The following SGIP1 variants were observed in gnomAD, a reference collection of about 807,000 sequenced individuals.
SGIP1 encodes SH3-containing GRB2-like protein 3-interacting protein 1.
Under a neutral mutation model 107.5 loss-of-function variants are expected in SGIP1, and 38 were observed. The observed-to-expected ratio is 0.35, with a 90% CI of 0.27 to 0.46. The LOEUF is 0.46. Among genes scored for constraint, SGIP1 ranks in the 20% least tolerant of loss-of-function variants. SGIP1 has a pLI of 1.00. For synonymous variants in SGIP1, 365 were observed against 366.1 expected (o/e 1.00, Z 0.03); for missense variants, 929 against 1,019.5 (o/e 0.91, Z 1.21).
At chr1:66,574,889 C>G (rs1299142646) in intron 1 of SGIP1, among the ~76,000 whole-genome samples, 1 of 152,098 alleles carries the variant, frequency 6.6e-6, no homozygotes, top group Non-Finnish European at 1.5e-5. Flanking sequence ...AGATTATGTC[C>G]CTCTGATATT....
At chr1:66,565,919 A>G (rs1448135421) in intron 1 of SGIP1, among the ~76,000 whole-genome samples, 1 of 152,052 alleles carries the variant, frequency 6.6e-6, no homozygotes, top group African/African-American at 2.4e-5. Context: ...AGCAGGAAAT[A>G]CTGAAATCAA....
chr1:66,710,899 C>G (rs72920358), intron 18 of SGIP1, among the ~76,000 whole-genome samples: 1,854 of 152,170 alleles, frequency 0.012, 41 homozygotes, highest in African/African-American at 0.043. Context: ...AACTAAGAGA[C>G]CCTCGGAATA....
intron 7 of SGIP1, chr1:66,660,225 GAAA>G (rs2081172064): frequency 3.5e-6 from 1 of 286,524 alleles, no homozygotes; most frequent in Admixed American, 6.8e-5. Flanking sequence ...GAGAAAGAAA[GAAA>G]GAGGGAGGGA....
At chr1:66,659,584 C>T (rs1292598905) in intron 7 of SGIP1, among the ~76,000 whole-genome samples, 1 of 151,978 alleles carries the variant, frequency 6.6e-6, no homozygotes, top group Non-Finnish European at 1.5e-5. Flanking sequence ...ATTGTCAAGC[C>T]ACAGATCTGT....
intron 1 of SGIP1, among the ~76,000 whole-genome samples, chr1:66,586,601 C>T (rs1439866880): frequency 6.6e-6 from 1 of 152,070 alleles, no homozygotes; most frequent in African/African-American, 2.4e-5. Flanking sequence ...CCTTTATGCC[C>T]TTTAATCCTT....
chr1:66,630,949 A>G lies in SGIP1; in HGVS notation c.75-2121A>G, dbSNP rs192238236. Among the ~76,000 whole-genome samples the G allele has an allele frequency of 3.2e-5, 3 of 94,524 alleles. 1 individual carries two copies. The highest frequency in any genetic ancestry group is 2.2e-4 in the Admixed American group (2 of 9,108). The allele number at this position is 94,524 out of a possible 152,430, so 62.0% of individuals were successfully genotyped here. On this transcript the variant is annotated intron_variant, in intron 2 of 24. Coordinates refer to ENST00000371037, the MANE Select transcript of SGIP1 (RefSeq NM_032291.4). ...AAGGAAGGAAGGAAAGAAAGAGAGAAAGAAAGAGAAAGAAAGAAAGAGAGG... is the reference window on the plus strand; with the variant it reads ...AAGGAAGGAAGGAAAGAAAGAGAGAGAGAAAGAGAAAGAAAGAAAGAGAGG...
At chr1:66,667,501 T>A in intron 8 of SGIP1, 29 bp from the exon 9 acceptor site, 3 of 1,611,148 alleles carry the variant, frequency 1.9e-6, no homozygotes, top group Middle Eastern at 1.7e-4. Flanking sequence ...ACTAGGTGTC[T>A]GTTCTCTCTT....
At chr1:66,614,754 C>A (rs2068797019) in intron 1 of SGIP1, among the ~76,000 whole-genome samples, 1 of 149,352 alleles carries the variant, frequency 6.7e-6, no homozygotes, top group Non-Finnish European at 1.5e-5. Context: ...TCTGCCTCCA[C>A]ATGGTAGGTT....
intron 1 of SGIP1, among the ~76,000 whole-genome samples, chr1:66,604,019 C>G (rs1205858954): frequency 6.6e-6 from 1 of 152,122 alleles, no homozygotes; most frequent in Admixed American, 6.5e-5. Context: ...AATAACAACA[C>G]AGAAATATGT....
chr1:66,560,241 T>C (rs1171566461), intron 1 of SGIP1, among the ~76,000 whole-genome samples: 1 of 152,062 alleles, frequency 6.6e-6, no homozygotes, highest in Non-Finnish European at 1.5e-5. Flanking sequence ...AAGCTAATCA[T>C]TGATGCATAA....
At chr1:66,585,626 C>G (rs1304110539) in intron 1 of SGIP1, among the ~76,000 whole-genome samples, 1 of 147,666 alleles carries the variant, frequency 6.8e-6, no homozygotes, top group East Asian at 2.0e-4. Context: ...TTATTTTACA[C>G]CCAGCTAATT....
intron 1 of SGIP1, among the ~76,000 whole-genome samples, chr1:66,588,603 TGAA>T (rs766743751): frequency 3.3e-5 from 5 of 151,164 alleles, no homozygotes; most frequent in South Asian, 2.1e-4. Flanking sequence ...AATAATTACT[TGAA>T]GAAGTTAATT....
chr1:66,619,966 C>T (rs2070518552), intron 1 of SGIP1, among the ~76,000 whole-genome samples: 1 of 152,176 alleles, frequency 6.6e-6, no homozygotes, highest in African/African-American at 2.4e-5. Flanking sequence ...TGATGTTTTA[C>T]CTAAAATTAG....
At chr1:66,695,591 G>A in intron 18 of SGIP1, 98 bp downstream of exon 18, 1 of 1,173,202 alleles carries the variant, frequency 8.5e-7, no homozygotes, top group Non-Finnish European at 1.2e-6. Context: ...CAAAAGTTCT[G>A]GTCTCACTTT....
At chr1:66,714,364 T>C (rs2093107457) in intron 18 of SGIP1, among the ~76,000 whole-genome samples, 1 of 152,136 alleles carries the variant, frequency 6.6e-6, no homozygotes, top group Admixed American at 6.6e-5. Flanking sequence ...TTACCACTCA[T>C]TTGGTAATTA....
chr1:66,534,462 T>A, intron 1 of SGIP1, 94 bp downstream of exon 1: 1 of 1,431,454 alleles, frequency 7.0e-7, no homozygotes, highest in Non-Finnish European at 9.8e-7. Flanking sequence ...GTGGCGGTTC[T>A]AGAACCTGGT....
intron 15 of SGIP1, among the ~76,000 whole-genome samples, chr1:66,686,724 G>A (rs1331183481): frequency 6.6e-6 from 1 of 152,122 alleles, no homozygotes; most frequent in African/African-American, 2.4e-5. Flanking sequence ...CGTTCTAGCT[G>A]CACAAGAAAT....
intron 1 of SGIP1, among the ~76,000 whole-genome samples, chr1:66,621,122 T>C (rs1316339553): frequency 6.6e-6 from 1 of 152,178 alleles, no homozygotes; most frequent in African/African-American, 2.4e-5. Flanking sequence ...AAAATGCATT[T>C]GCTTATGAAA....
At chr1:66,587,716 T>A (rs2062854972) in intron 1 of SGIP1, among the ~76,000 whole-genome samples, 1 of 152,130 alleles carries the variant, frequency 6.6e-6, no homozygotes, top group Non-Finnish European at 1.5e-5. Context: ...GTCATCTTTC[T>A]GATAGTGGAA....
Sources: gnomAD v4.1 joint callset for allele counts (sites outside exome capture counted in the v4.1 genomes callset) on GRCh38, gnomAD v4.1.1 for gene constraint, MANE v1.5 for transcripts, NCBI Gene and HGNC (gene_info 2026-07-23, HGNC 2026-07-21) for gene names.